Variants in PTPRN2 observed in about 807,000 individuals in gnomAD.
PTPRN2 encodes protein tyrosine phosphatase receptor type N2.
A neutral mutation model predicts 118.8 loss-of-function variants in PTPRN2; 74 were observed. The observed-to-expected ratio is 0.62, with a 90% confidence interval of 0.52 to 0.76. The LOEUF (loss-of-function observed/expected upper bound fraction) is 0.76, where lower values mean the gene tolerates loss of function less well. Ranked by LOEUF, PTPRN2 falls within the 30% of genes least tolerant of loss-of-function variation. PTPRN2 has a pLI of 0.00. For synonymous variants in PTPRN2, 641 were observed against 608.0 expected (o/e 1.05, Z -0.80); for missense variants, 1,481 against 1,394.4 (o/e 1.06, Z -0.99).
Position 157,682,913 on chromosome 7 carries a change from G to A in PTPRN2, c.1813C>T (p.Pro605Ser), listed in dbSNP as rs1383125112. 6.2e-7 allele frequency: 1 copy of A among 1,613,666 alleles called. No individual in the cohort carries two copies. Among genetic ancestry groups the A allele is most frequent in the African/African-American group, 1.3e-5 (1 of 74,926 alleles). The change falls in exon 13 of 23, where the codon CCT becomes TCT. Residue 605 changes from proline (P) to serine (S), a missense_variant. Around this residue, in one of 3 missense-constraint regions of PTPRN2, gnomAD observed 1,115 missense variants for 994.2 expected, o/e 1.12. Coordinates refer to ENST00000389418, the MANE Select transcript of PTPRN2 (RefSeq NM_002847.5). ...GTGGAGTCTTCTTGCTCCGCCTGAG[G>A]AGGCAGGAACTTGAGTTTGCTTTTC... ...GSKSKLKFLPPQAEQEDSTKF... is the reference protein window; with the variant it reads ...GSKSKLKFLPSQAEQEDSTKF...
chr7:158,573,748 GC>G (rs1828174540), intron 1 of PTPRN2, among the ~76,000 whole-genome samples: 1 of 152,114 alleles, frequency 6.6e-6, no homozygotes, highest in Admixed American at 6.5e-5. Context: ...ATTGACATAT[GC>G]CCACTCTTAG....
chr7:158,529,179 C>T lies in PTPRN2; in HGVS notation c.113-39394G>A, dbSNP rs913508147. ...GACATTAGAATGCCCGCAGCACTCA[C>T]ACAGCACCTGGTGGGCACTAAGCAC... On this transcript the variant is annotated intron_variant, in intron 1 of 22. Coordinates refer to ENST00000389418, the MANE Select transcript of PTPRN2 (RefSeq NM_002847.5). The surrounding 1 kb of genome is among the most constrained non-coding windows in gnomAD (Gnocchi z 4.7). Among the ~76,000 whole-genome samples, 1 of 152,252 alleles carries T rather than the reference C, an allele frequency of 6.6e-6. No individual in the cohort carries two copies. Among genetic ancestry groups the T allele is most frequent in the Non-Finnish European group, 1.5e-5 (1 of 68,044 alleles).
At chr7:158,312,339 C>G (rs571068780) in intron 3 of PTPRN2, among the ~76,000 whole-genome samples, 4 of 139,824 alleles carry the variant, frequency 2.9e-5, no homozygotes, top group South Asian at 4.7e-4. Flanking sequence ...CACATGCACT[C>G]ACGTGCTCAG....
intron 12 of PTPRN2, among the ~76,000 whole-genome samples, chr7:157,826,115 C>T (rs897111118): frequency 4.6e-5 from 7 of 151,798 alleles, no homozygotes; most frequent in South Asian, 4.2e-4. Flanking sequence ...CATTTCCACG[C>T]GTGCTGTGCT....
chr7:158,068,121 G>C lies in PTPRN2; in HGVS notation c.1723+13177C>G, dbSNP rs568909598. Among the ~76,000 whole-genome samples the C allele has an allele frequency of 3.9e-3, 588 of 152,328 alleles. 4 individuals carry two copies. Among genetic ancestry groups the C allele is most frequent in the African/African-American group, 0.013 (542 of 41,572 alleles). ...AGGACTTGGTGGGGGTCCAGGCTGT[G>C]CAGTCCCAGGGGAAGAACGGCCCAT... On this transcript the variant is annotated intron_variant, in intron 11 of 22. Transcript: ENST00000389418.
rs1207179278 is a variant in PTPRN2 at position 157,808,490 on chromosome 7, G to A, written c.1788+90183C>T. ...CCTGTTGTGAACTGTGCATGTGAGG[G>A]ATCCAGGTTGCACGCTCCTTATGAA... On this transcript the variant is annotated intron_variant, in intron 12 of 22. Coordinates refer to ENST00000389418, the MANE Select transcript of PTPRN2 (RefSeq NM_002847.5). The surrounding 1 kb of genome is among the most constrained non-coding windows in gnomAD (Gnocchi z 5.0). Among the ~76,000 whole-genome samples the A allele has an allele frequency of 1.3e-5, 2 of 152,120 alleles. No individual in the cohort carries two copies. Among genetic ancestry groups the A allele is most frequent in the Non-Finnish European group, 2.9e-5 (2 of 68,026 alleles).
intron 2 of PTPRN2, among the ~76,000 whole-genome samples, chr7:158,448,602 G>A (rs1817889709): frequency 6.6e-6 from 1 of 152,216 alleles, no homozygotes; most frequent in Non-Finnish European, 1.5e-5. Flanking sequence ...GTAGCATGAG[G>A]GGCTCCTCCT....
rs181015798 is a variant in PTPRN2 at position 157,896,525 on chromosome 7, C to T, written c.1788+2148G>A. Among the ~76,000 whole-genome samples the T allele has an allele frequency of 7.8e-3, 1,182 of 151,258 alleles. 5 individuals are homozygous for T. Among genetic ancestry groups the T allele is most frequent in the Non-Finnish European group, 0.012 (799 of 67,712 alleles). On this transcript the variant is annotated intron_variant, in intron 12 of 22. Coordinates refer to ENST00000389418, the MANE Select transcript of PTPRN2 (RefSeq NM_002847.5). ...CTCAGGTGCGCGTGGGAAGGAGCTC[C>T]GTTGTGAGTGGGCAGCCGGGGAGGT...
intron 1 of PTPRN2, among the ~76,000 whole-genome samples, chr7:158,518,705 C>G (rs2129447537): frequency 6.6e-6 from 1 of 152,284 alleles, no homozygotes; most frequent in African/African-American, 2.4e-5. Context: ...TTACTTGAGG[C>G]CAGGCGCGGT....
intron 11 of PTPRN2, among the ~76,000 whole-genome samples, chr7:158,073,277 C>T (rs1031441348): frequency 6.6e-6 from 1 of 152,244 alleles, no homozygotes; most frequent in Non-Finnish European, 1.5e-5. Context: ...CATCGGCCTC[C>T]CCTCAGCTCA....
chr7:157,784,285 C>T lies in PTPRN2; in HGVS notation c.1789-101348G>A, dbSNP rs1803877035. ...CTCAGGAGGCCAAGTGGGGGGCCTG[C>T]CCCCACCTCTGGGGTCTCAGCATCT... On this transcript the variant is annotated intron_variant, in intron 12 of 22. Transcript: ENST00000389418. The surrounding 1 kb of genome is among the most constrained non-coding windows in gnomAD (Gnocchi z 4.6). Among the ~76,000 whole-genome samples, 1 of 152,106 alleles carries T rather than the reference C, an allele frequency of 6.6e-6. No individual in the cohort carries two copies. The highest frequency in any genetic ancestry group is 1.5e-5 in the Non-Finnish European group (1 of 68,024).
intron 3 of PTPRN2, among the ~76,000 whole-genome samples, chr7:158,292,232 G>C (rs565739037): frequency 1.3e-5 from 2 of 152,126 alleles, no homozygotes; most frequent in Non-Finnish European, 2.9e-5. Flanking sequence ...TGAGGGTGAC[G>C]GTTCTTCCTT....
At chr7:157,723,875 C>T (rs78519932) in intron 12 of PTPRN2, among the ~76,000 whole-genome samples, 1,881 of 152,308 alleles carry the variant, frequency 0.012, 33 homozygotes, top group East Asian at 0.039. Context: ...AAGACTTCCA[C>T]GCTGCACACA....
At position 158,075,591 on chromosome 7, in the gene PTPRN2, C is replaced by A. The variant is rs146792653; in HGVS notation, c.1723+5707G>T. Among the ~76,000 whole-genome samples the A allele has an allele frequency of 2.0e-3, 312 of 152,328 alleles. 10 individuals are homozygous for A. In the East Asian group the frequency reaches 0.053, roughly 26 times the overall value. On this transcript the variant is annotated intron_variant, in intron 11 of 22. Transcript: ENST00000389418. ...CAGCACCACCGGCCCACGCTTCCCA[C>A]GCCGCGCCCTCCACTTCTTCATCTT...
rs1414139517 is a variant in PTPRN2 at position 158,419,488 on chromosome 7, T to C, written c.163+70247A>G. On this transcript the variant is annotated intron_variant, in intron 2 of 22. Coordinates refer to ENST00000389418, the MANE Select transcript of PTPRN2 (RefSeq NM_002847.5). The stretch of plus-strand genomic sequence containing the variant: ...TCAAGTGCACGGGGCCTCGGGACTC[T>C]CGGAGGTGCCCAGCTCCACAGACCC... Among the ~76,000 whole-genome samples the C allele has an allele frequency of 2.1e-5, 3 of 144,050 alleles. No individual in the cohort carries two copies. In the East Asian group the frequency reaches 5.9e-4, roughly 28 times the overall value. The allele number at this position is 144,050 out of a possible 152,430, so 94.5% of individuals were successfully genotyped here.
intron 12 of PTPRN2, among the ~76,000 whole-genome samples, chr7:157,692,027 G>A (rs1585247498): frequency 6.6e-6 from 1 of 152,204 alleles, no homozygotes; most frequent in East Asian, 1.9e-4. Context: ...GCCCACAGCT[G>A]CAGGAACAAG....
chr7:158,104,735 A>ACCC (rs1815526114), intron 10 of PTPRN2, among the ~76,000 whole-genome samples: 1 of 147,722 alleles, frequency 6.8e-6, no homozygotes, highest in Admixed American at 6.8e-5. Flanking sequence ...TCCCAGCTCC[A>ACCC]TCCTCAGCTC....
rs1801234342 is a variant in PTPRN2, at chr7:157,595,370, G to A, written c.2419-55C>T. 10 of 1,531,654 alleles carry A rather than the reference G, an allele frequency of 6.5e-6. No homozygotes were observed. The South Asian group carries it at 9.0e-5, about 14-fold the overall frequency. The allele number at this position is 1,531,654 out of a possible 1,614,324, so 94.9% of individuals were successfully genotyped here. On this transcript the variant is annotated intron_variant, in intron 16 of 22. Coordinates refer to ENST00000389418, the MANE Select transcript of PTPRN2 (RefSeq NM_002847.5). ...TAGCCAGGAGATTAGGAAGCCTGGA[G>A]GTTAGGAAGCCTGGAGGTTAGGAAG... is the stretch of plus-strand genomic sequence containing the variant.
At chr7:158,124,900 C>T (rs188707838) in intron 9 of PTPRN2, among the ~76,000 whole-genome samples, 32 of 152,310 alleles carry the variant, frequency 2.1e-4, no homozygotes, top group African/African-American at 4.8e-4. Context: ...TCAACGTGCA[C>T]GGCGGGTGAG....
Sources: gnomAD v4.1 joint callset for allele counts (sites outside exome capture counted in the v4.1 genomes callset) on GRCh38, gnomAD v4.1.1 for gene constraint, gnomAD v4.1.1 regional missense constraint, Gnocchi (gnomAD v3.1) non-coding constraint, MANE v1.5 for transcripts, NCBI Gene and HGNC (gene_info 2026-07-23, HGNC 2026-07-21) for gene names.